Variants in DIPK1A observed in about 807,000 individuals in gnomAD.
The protein encoded by DIPK1A is divergent protein kinase domain 1A.
DIPK1A carries 27 observed loss-of-function variants against 40.8 expected under a neutral mutation model. The ratio of observed to expected loss-of-function variants is 0.66; its 90% CI spans 0.49 to 0.91. The LOEUF (loss-of-function observed/expected upper bound fraction) is 0.91. DIPK1A is among the 40% of genes least tolerant of loss of function. The pLI is 0.00. For missense variants in DIPK1A, 412 were observed against 505.7 expected, an observed-to-expected ratio of 0.81 and a Z score of 1.78; for synonymous variants, 166 against 171.3, an observed-to-expected ratio of 0.97 and a Z score of 0.24.
intron 1 of DIPK1A, among the ~76,000 whole-genome samples, chr1:92,949,875 GT>G (rs1301710478): frequency 6.6e-6 from 1 of 152,162 alleles, no homozygotes; most frequent in African/African-American, 2.4e-5. Flanking sequence ...TTACAATTAT[GT>G]ATGCTGATTC....
At chr1:92,840,727 T>C (rs1164279798), downstream of DIPK1A, 3 of 939,024 alleles carry the variant, frequency 3.2e-6, no homozygotes, top group African/African-American at 4.8e-5. Flanking sequence ...TTGTGCAAAC[T>C]CGATCACTAG....
chr1:92,942,849 G>C (rs1651209907), intron 1 of DIPK1A, among the ~76,000 whole-genome samples: 1 of 152,070 alleles, frequency 6.6e-6, no homozygotes, highest in African/African-American at 2.4e-5. Flanking sequence ...ATTTTTAGTA[G>C]AGACGGGGTT....
chr1:92,876,523 C>T lies in DIPK1A; in HGVS notation c.55-93G>A, dbSNP rs878933327. The T allele has an allele frequency of 5.3e-6, 7 of 1,319,684 alleles. No homozygotes were observed. The South Asian group carries it at 7.1e-5, about 13-fold the overall frequency. 81.7% of individuals were successfully genotyped at this position (1,319,684 alleles called of 1,614,324 possible). A position where few individuals can be genotyped will look rare whatever the true frequency, so the allele number is the denominator to read the frequency against. ...CGACTTCTCACCCTTCTTGGAACAA[C>T]TCAATATATATTCCAGGCTTTTATA... On this transcript the variant is annotated intron_variant, in intron 1 of 4. Coordinates refer to ENST00000370310, the MANE Select transcript of DIPK1A (RefSeq NM_001006605.5).
chr1:92,842,624 T>C lies in DIPK1A; in HGVS notation c.*759A>G. On this transcript the variant is annotated 3_prime_UTR_variant, in exon 5 of 5. Transcript: ENST00000370310. ...TAGTCTTGCACTTACAGTCCCACTT[T>C]CACATAGTTCAAAATCAGGATATGT... The C allele has an allele frequency of 1.0e-6, 1 of 985,394 alleles. No individual in the cohort carries two copies. The highest frequency in any genetic ancestry group is 1.2e-6 in the Non-Finnish European group (1 of 829,874). 61.0% of individuals were successfully genotyped at this position (985,394 alleles called of 1,614,324 possible).
chr1:92,960,774 T>C (rs907020001), intron 1 of DIPK1A, among the ~76,000 whole-genome samples: 17 of 152,188 alleles, frequency 1.1e-4, no homozygotes, highest in African/African-American at 3.6e-4. Context: ...CCACCTCCCA[T>C]TTAAATCTTG....
intron 1 of DIPK1A, among the ~76,000 whole-genome samples, chr1:92,945,683 T>C (rs1438991631): frequency 6.6e-6 from 1 of 152,180 alleles, no homozygotes; most frequent in East Asian, 1.9e-4. Context: ...AATCAAATGA[T>C]ACCTAGTTCC....
At chr1:92,932,539 T>G (rs992359196) in intron 1 of DIPK1A, 8 of 151,868 alleles carry the variant, frequency 5.3e-5, no homozygotes, top group African/African-American at 1.9e-4. Flanking sequence ...AAGTATAAAA[T>G]GTAAAAAAGA....
intron 2 of DIPK1A, among the ~76,000 whole-genome samples, chr1:92,856,819 C>G (rs1688002865): frequency 6.6e-6 from 1 of 152,158 alleles, no homozygotes. Context: ...CTTGGAAGGA[C>G]TGCAGCATGC....
intron 1 of DIPK1A, among the ~76,000 whole-genome samples, chr1:92,887,442 A>G (rs1401974482): frequency 6.6e-6 from 1 of 151,950 alleles, no homozygotes; most frequent in African/African-American, 2.4e-5. Flanking sequence ...AAAAGCAAAG[A>G]AAAGGAAAGA....
chr1:92,890,761 T>C lies in DIPK1A; in HGVS notation c.55-14331A>G, dbSNP rs114527935. Among the ~76,000 whole-genome samples, 1,137 of 152,312 alleles carry C rather than the reference T, an allele frequency of 7.5e-3. 18 individuals are homozygous for C. The highest frequency in any genetic ancestry group is 0.025 in the African/African-American group (1,031 of 41,566). ...TTTACATCTATGTTCATCAGGTATA[T>C]TAGCCTATAGTTTTCTTTTTTTCTG... On this transcript the variant is annotated intron_variant, in intron 1 of 4. Coordinates refer to ENST00000370310, the MANE Select transcript of DIPK1A (RefSeq NM_001006605.5).
chr1:92,925,322 T>C (rs1459294668), intron 1 of DIPK1A, among the ~76,000 whole-genome samples: 1 of 152,210 alleles, frequency 6.6e-6, no homozygotes, highest in East Asian at 1.9e-4. Context: ...AGAAGTTATT[T>C]CTTCTTCATT....
chr1:92,921,017 G>C (rs1650249372), intron 1 of DIPK1A, among the ~76,000 whole-genome samples: 1 of 152,150 alleles, frequency 6.6e-6, no homozygotes. Context: ...GAGTAGTCTA[G>C]AGAATTGTAG....
In DIPK1A at chr1:92,843,964, G is replaced by T. The variant is rs1424101057; in HGVS notation, c.706C>A (p.Leu236Ile). 4 of 1,551,832 alleles carry T rather than the reference G, an allele frequency of 2.6e-6. No homozygotes were observed. The South Asian group carries it at 4.8e-5, about 18-fold the overall frequency. ...YVMESVEYTSLYGISLPWVIE... is the reference protein window; with the variant it reads ...YVMESVEYTSIYGISLPWVIE... ...ACCCAAGGAAGGCTTATTCCATAAAGAGAGGTATATTCAACACTTTCCATC... is the reference window on the plus strand; with the variant it reads ...ACCCAAGGAAGGCTTATTCCATAAATAGAGGTATATTCAACACTTTCCATC... Residue 236 changes from leucine to isoleucine, a missense_variant, in exon 5 of 5, where the codon CTT (leucine) becomes ATT (isoleucine). Coordinates refer to ENST00000370310, the MANE Select transcript of DIPK1A (RefSeq NM_001006605.5).
rs148900840 is a variant in DIPK1A, at chr1:92,948,154, G to C, written c.54+13222C>G. ...TACATGGAGACTTGGTTGTACAATA[G>C]GAAAAAATATAAATGTTATCAACTT... On this transcript the variant is annotated intron_variant, in intron 1 of 4. Transcript: ENST00000370310. Among the ~76,000 whole-genome samples the C allele has an allele frequency of 1.9e-3, 289 of 152,170 alleles. 2 individuals carry two copies. Among genetic ancestry groups the C allele is most frequent in the Non-Finnish European group, 3.1e-3 (209 of 67,990 alleles).
At chr1:92,875,380 T>C (rs1323379893) in intron 2 of DIPK1A, among the ~76,000 whole-genome samples, 2 of 152,124 alleles carry the variant, frequency 1.3e-5, no homozygotes, top group Admixed American at 6.5e-5. Context: ...ACTATTCAAA[T>C]ATAATTCTGA....
rs114447372 is a variant in DIPK1A, at chr1:92,951,870, T to C, written c.54+9506A>G. Among the ~76,000 whole-genome samples the C allele has an allele frequency of 9.0e-3, 1,364 of 152,008 alleles. 18 individuals carry two copies. The highest frequency in any genetic ancestry group is 0.02 in the South Asian group (98 of 4,802). ...TACCTATATTTATCAACTGCTAACA[T>C]TGTTCTAATTTATTTGCCTTTTCAC... On this transcript the variant is annotated intron_variant, in intron 1 of 4. Transcript: ENST00000370310.
At chr1:92,908,988 C>T (rs539764749) in intron 1 of DIPK1A, among the ~76,000 whole-genome samples, 5 of 152,074 alleles carry the variant, frequency 3.3e-5, no homozygotes, top group Non-Finnish European at 5.9e-5. Context: ...TAACCTAGAT[C>T]GATTTTTCCA....
At chr1:92,840,467 G>A, downstream of DIPK1A, 1 of 999,562 alleles carries the variant, frequency 1.0e-6, no homozygotes, top group Non-Finnish European at 1.6e-6. Flanking sequence ...ATCTGGCTTA[G>A]AAGGACAAGA....
At chr1:92,850,791 T>G in intron 3 of DIPK1A, 57 bp downstream of exon 3, 2 of 1,089,462 alleles carry the variant, frequency 1.8e-6, no homozygotes, top group Non-Finnish European at 2.6e-6. Flanking sequence ...TGCCTTTAAT[T>G]TCTGGTAAAA....
Sources: gnomAD v4.1 joint callset for allele counts (sites outside exome capture counted in the v4.1 genomes callset) on GRCh38, gnomAD v4.1.1 for gene constraint, MANE v1.5 for transcripts, NCBI Gene and HGNC (gene_info 2026-07-23, HGNC 2026-07-21) for gene names.